SLC27A2: variants seen among roughly 807,000 people sequenced by gnomAD.
The protein encoded by SLC27A2 is solute carrier family 27 member 2, also known as long-chain fatty acid transport protein 2.
SLC27A2 carries 54 observed loss-of-function variants against 60.0 expected under a neutral mutation model. That is an observed-to-expected ratio of 0.90 (90% CI 0.72 to 1.13). The LOEUF (loss-of-function observed/expected upper bound fraction) is 1.13. Ranked by LOEUF, SLC27A2 falls within the 50% of genes most tolerant of loss-of-function variation. The probability of loss-of-function intolerance (pLI) is 0.00; values close to 1 mark genes in which losing one functional copy is unlikely to be tolerated. For missense variants in SLC27A2, 739 were observed against 777.6 expected (o/e 0.95, Z 0.59); for synonymous variants, 297 against 297.6 (o/e 1.00, Z 0.02).
intron 4 of SLC27A2, among the ~76,000 whole-genome samples, chr15:50,214,378 T>C (rs1241821395): frequency 6.6e-6 from 1 of 152,134 alleles, no homozygotes; most frequent in Admixed American, 6.6e-5. Context: ...ACAGCAGTAT[T>C]CTACCAGATG....
chr15:50,192,811 G>A (rs1340181971), intron 1 of SLC27A2, among the ~76,000 whole-genome samples: 16 of 144,054 alleles, frequency 1.1e-4, no homozygotes, highest in African/African-American at 3.6e-4. Flanking sequence ...AGAAGAAGAA[G>A]TACAGAAAAA....
intron 1 of SLC27A2, among the ~76,000 whole-genome samples, chr15:50,192,371 T>C: frequency 6.6e-6 from 1 of 152,122 alleles, no homozygotes; most frequent in East Asian, 1.9e-4. Flanking sequence ...TTAGATGACT[T>C]GCATAAAAGG....
chr15:50,232,372 G>T (rs963015231), intron 8 of SLC27A2, among the ~76,000 whole-genome samples: 2 of 152,138 alleles, frequency 1.3e-5, no homozygotes, highest in Non-Finnish European at 2.9e-5. Flanking sequence ...TTGAAATGTG[G>T]CTAGTGCAAC....
At chr15:50,192,064 A>AG (rs1005205699) in intron 1 of SLC27A2, among the ~76,000 whole-genome samples, 1 of 152,056 alleles carries the variant, frequency 6.6e-6, no homozygotes, top group African/African-American at 2.4e-5. Flanking sequence ...CATCTCAAAA[A>AG]AAAAAAAAAG....
chr15:50,203,878 T>C (rs182795565), intron 3 of SLC27A2, among the ~76,000 whole-genome samples: 2 of 152,082 alleles, frequency 1.3e-5, no homozygotes, highest in African/African-American at 4.8e-5. Context: ...AGGGAGATGA[T>C]GACCATCCCC....
chr15:50,218,048 G>A (rs537800453), intron 4 of SLC27A2, among the ~76,000 whole-genome samples: 16 of 112,648 alleles, frequency 1.4e-4, no homozygotes, highest in Non-Finnish European at 2.2e-4. Flanking sequence ...GGCGAGAGGC[G>A]AGACTCTGTC....
At position 50,182,865 on chromosome 15, in the gene SLC27A2, CTT is replaced by C. The variant is rs1423185869; in HGVS notation, c.439_440del (p.Phe147ProfsTer26). 2.5e-6 allele frequency: 4 copies of C among 1,612,282 alleles called. No individual in the cohort carries two copies. Among genetic ancestry groups the C allele is most frequent in the Non-Finnish European group, 3.4e-6 (4 of 1,179,710 alleles). ...NIRAKSLLHC[F>X]QCCGAKVLLV... ...TCCGCGCGAAGTCCCTGCTGCACTG[CTT>C]CCAGTGCTGCGGGGCGAAGGTGCTG... On this transcript the variant is annotated frameshift_variant, in exon 1 of 10. Coordinates refer to ENST00000267842, the MANE Select transcript of SLC27A2 (RefSeq NM_003645.4). LOFTEE classifies it high-confidence loss of function.
intron 8 of SLC27A2, among the ~76,000 whole-genome samples, chr15:50,231,443 G>A (rs28631084): frequency 0.15 from 22,287 of 151,988 alleles, 1,695 homozygotes; most frequent in Middle Eastern, 0.18. Flanking sequence ...GAGCCACCAC[G>A]CCTAGCAAAT....
intron 4 of SLC27A2, among the ~76,000 whole-genome samples, chr15:50,210,536 C>T (rs1014321210): frequency 2.0e-5 from 3 of 152,166 alleles, no homozygotes; most frequent in Non-Finnish European, 1.5e-5. Flanking sequence ...CCACAGGGAT[C>T]CATCAGGAGG....
At chr15:50,202,956 G>A (rs2045076992) in intron 3 of SLC27A2, among the ~76,000 whole-genome samples, 2 of 151,284 alleles carry the variant, frequency 1.3e-5, no homozygotes, top group South Asian at 4.2e-4. Context: ...AAGGCAGGAG[G>A]ATTGCTTGAG....
At chr15:50,202,858 T>G (rs1018379878) in intron 3 of SLC27A2, among the ~76,000 whole-genome samples, 2 of 152,076 alleles carry the variant, frequency 1.3e-5, no homozygotes, top group African/African-American at 4.8e-5. Context: ...GCTATAATTG[T>G]TCAGTATATC....
intron 4 of SLC27A2, among the ~76,000 whole-genome samples, chr15:50,206,477 G>A (rs181547038): frequency 3.8e-4 from 58 of 152,276 alleles, no homozygotes; most frequent in Middle Eastern, 6.8e-3. Context: ...GCAGAAAGAA[G>A]TGTCAGATGC....
At chr15:50,217,394 C>T (rs12913823) in intron 4 of SLC27A2, among the ~76,000 whole-genome samples, 38,212 of 151,990 alleles carry the variant, frequency 0.25, 5,841 homozygotes, top group Non-Finnish European at 0.35. Flanking sequence ...AGAGCAGGGA[C>T]GAGGCACTGA....
intron 4 of SLC27A2, 120 bp downstream of exon 4, chr15:50,205,483 TATC>T: frequency 9.7e-7 from 1 of 1,027,244 alleles, no homozygotes; most frequent in African/African-American, 1.6e-5. Flanking sequence ...AGGATACAAT[TATC>T]ATGATAAAGT....
At chr15:50,189,417 A>G (rs2044955234) in intron 1 of SLC27A2, among the ~76,000 whole-genome samples, 1 of 152,134 alleles carries the variant, frequency 6.6e-6, no homozygotes, top group Non-Finnish European at 1.5e-5. Context: ...AGGACCCTGT[A>G]CAAGGACAGA....
rs2044858848 is a variant in SLC27A2, at chr15:50,182,244, G to A, written c.-184G>A. Reference sequence around the variant, plus strand: ...ACGCGCATACGACTACACCTGCTCCGGAGCCCGCGGCGGTACCTGCAGCGG... The same window carrying A: ...ACGCGCATACGACTACACCTGCTCCAGAGCCCGCGGCGGTACCTGCAGCGG... On this transcript the variant is annotated 5_prime_UTR_variant, in exon 1 of 10. Coordinates refer to ENST00000267842, the MANE Select transcript of SLC27A2 (RefSeq NM_003645.4). The A allele has an allele frequency of 2.0e-6, 2 of 982,124 alleles. No homozygotes were observed. The highest frequency in any genetic ancestry group is 3.8e-5 in the South Asian group (1 of 26,462). 60.8% of individuals were successfully genotyped at this position (982,124 alleles called of 1,614,324 possible). A position where few individuals can be genotyped will look rare whatever the true frequency, so the allele number is the denominator to read the frequency against.
chr15:50,195,594 A>G (rs929995801), intron 1 of SLC27A2, among the ~76,000 whole-genome samples: 2 of 152,186 alleles, frequency 1.3e-5, no homozygotes, highest in African/African-American at 4.8e-5. Flanking sequence ...TTTTCATTGT[A>G]AACACTTTTG....
At chr15:50,200,678 C>T (rs1176376231) in intron 2 of SLC27A2, among the ~76,000 whole-genome samples, 1 of 152,166 alleles carries the variant, frequency 6.6e-6, no homozygotes, top group Non-Finnish European at 1.5e-5. Flanking sequence ...GTCCCCTTCC[C>T]AGTGACTTCA....
intron 9 of SLC27A2, 52 bp from the exon 10 acceptor site, chr15:50,235,868 C>CCTAAT: frequency 2.7e-6 from 4 of 1,488,290 alleles, no homozygotes; most frequent in East Asian, 2.3e-5. Context: ...TGCTCTGCAT[C>CCTAAT]CTAATCTATT....
Sources: gnomAD v4.1 joint callset for allele counts (sites outside exome capture counted in the v4.1 genomes callset) on GRCh38, gnomAD v4.1.1 for gene constraint, MANE v1.5 for transcripts, NCBI Gene and HGNC (gene_info 2026-07-23, HGNC 2026-07-21) for gene names.